MAVS: variants seen among roughly 807,000 people sequenced by gnomAD.
The protein encoded by MAVS is mitochondrial antiviral-signaling protein.
In MAVS, 20 loss-of-function variants were observed where a neutral mutation model predicts 30.2. The observed-to-expected ratio is 0.66, with a 90% CI of 0.47 to 0.96. MAVS has a LOEUF of 0.96. Among genes scored for constraint, MAVS ranks in the 40% least tolerant of loss-of-function variants. The pLI, the probability that MAVS is intolerant of heterozygous loss-of-function variation, is 0.00. For synonymous variants in MAVS, 278 were observed against 293.9 expected, an observed-to-expected ratio of 0.95 and a Z score of 0.55; for missense variants, 624 against 701.1, an observed-to-expected ratio of 0.89 and a Z score of 1.24.
In MAVS at chr20:3,866,988, G is replaced by T. The variant is rs76557664; in HGVS notation, c.*841G>T. On this transcript the variant is annotated 3_prime_UTR_variant, in exon 7 of 7. Transcript: ENST00000428216. ...CTGGTCTTGCTTCTCCACGTGGACA[G>T]TGAGTATCTGGCTCATTCTTCACTG... The T allele has an allele frequency of 8.8e-6, 4 of 456,820 alleles. No individual in the cohort carries two copies. The Admixed American group carries it at 9.4e-5, about 11-fold the overall frequency. The allele number at this position is 456,820 out of a possible 1,614,324, so 28.3% of individuals were successfully genotyped here.
rs996639146 is a variant in MAVS at position 3,874,900 on chromosome 20, C to G, written c.*8753C>G. On this transcript the variant is annotated 3_prime_UTR_variant, in exon 7 of 7. Transcript: ENST00000428216. The stretch of plus-strand genomic sequence containing the variant: ...ACAGTACTTCCTCCAGCTGCCTACA[C>G]CCCCCTAGGGTCAGTGGCGCCTGCC... The G allele has an allele frequency of 6.6e-6, 1 of 152,412 alleles. No homozygotes were observed. Among genetic ancestry groups the G allele is most frequent in the Non-Finnish European group, 1.5e-5 (1 of 68,112 alleles). 9.4% of individuals were successfully genotyped at this position (152,412 alleles called of 1,614,324 possible). A position where few individuals can be genotyped will look rare whatever the true frequency, so the allele number is the denominator to read the frequency against.
Position 3,866,510 on chromosome 20 carries a change from T to G in MAVS, c.*363T>G. ...GAGCAGGAGGGACCACTGGAACATG[T>G]GGTGCTTGGGAATGCCTCTCCTGTT... On this transcript the variant is annotated 3_prime_UTR_variant, in exon 7 of 7. Transcript: ENST00000428216. The G allele has an allele frequency of 2.8e-6, 1 of 363,606 alleles. No homozygotes were observed. Among genetic ancestry groups the G allele is most frequent in the South Asian group, 3.0e-5 (1 of 33,478 alleles). The allele number at this position is 363,606 out of a possible 1,614,324, so 22.5% of individuals were successfully genotyped here. A position where few individuals can be genotyped will look rare whatever the true frequency, so the allele number is the denominator to read the frequency against.
At chr20:3,858,492 A>C (rs2089832616) in intron 3 of MAVS, among the ~76,000 whole-genome samples, 1 of 151,982 alleles carries the variant, frequency 6.6e-6, no homozygotes, top group Non-Finnish European at 1.5e-5. Flanking sequence ...ACCCTGGCTA[A>C]AACAGTGAAA....
chr20:3,848,009 C>T (rs986932388), intron 1 of MAVS, among the ~76,000 whole-genome samples: 5 of 152,192 alleles, frequency 3.3e-5, no homozygotes, highest in Non-Finnish European at 7.3e-5. Context: ...CATCCCTTCC[C>T]CTCCATCTGT....
intron 5 of MAVS, 87 bp from the exon 6 acceptor site, chr20:3,864,169 T>G: frequency 1.5e-4 from 213 of 1,400,462 alleles, no homozygotes; most frequent in Non-Finnish European, 1.9e-4. Context: ...GTAGGGACCA[T>G]GAGATCTGGG....
In MAVS at chr20:3,870,268, G is replaced by GCCCT. The variant is rs2089943900; in HGVS notation, c.*4124_*4127dup. On this transcript the variant is annotated 3_prime_UTR_variant, in exon 7 of 7. Coordinates refer to ENST00000428216, the MANE Select transcript of MAVS (RefSeq NM_020746.5). ...GCTGGGTGGGGCCAGAGGGACCAGT[G>GCCCT]CCCTCCTCAGTGCTTAGGGGCAGAG... The GCCCT allele has an allele frequency of 6.6e-6, 1 of 152,326 alleles. No homozygotes were observed. Among genetic ancestry groups the GCCCT allele is most frequent in the Admixed American group, 6.6e-5 (1 of 15,266 alleles). 9.4% of individuals were successfully genotyped at this position (152,326 alleles called of 1,614,324 possible).
chr20:3,855,474 T>G (rs2089801700), intron 2 of MAVS, among the ~76,000 whole-genome samples: 4 of 152,294 alleles, frequency 2.6e-5, no homozygotes, highest in South Asian at 2.1e-4. Flanking sequence ...AGGGTCGCTC[T>G]AGCCCCAACA....
In MAVS at chr20:3,867,653, C is replaced by G. The variant is rs2089919448; in HGVS notation, c.*1506C>G. On this transcript the variant is annotated 3_prime_UTR_variant, in exon 7 of 7. Coordinates refer to ENST00000428216, the MANE Select transcript of MAVS (RefSeq NM_020746.5). ...TTGGCTACTCCTTTAGAGGCAGACT[C>G]AGACCCTCCTGCCTCACAGCTTTAT... is the stretch of plus-strand genomic sequence containing the variant. 1 of 153,804 alleles carries G rather than the reference C, an allele frequency of 6.5e-6. No individual in the cohort carries two copies. Among genetic ancestry groups the G allele is most frequent in the Non-Finnish European group, 1.4e-5 (1 of 69,098 alleles). The allele number at this position is 153,804 out of a possible 1,614,324, so 9.5% of individuals were successfully genotyped here.
rs1160214993 is a variant in MAVS at position 3,865,158 on chromosome 20, C to G, written c.1158+370C>G. 3.3e-5 allele frequency among the ~76,000 whole-genome samples: 5 copies of G among 152,244 alleles called. No individual in the cohort carries two copies. Among genetic ancestry groups the G allele is most frequent in the Non-Finnish European group, 5.9e-5 (4 of 68,044 alleles). ...GCACAGTGGCCCATCTGCCTCTTGC[C>G]TTGCTCTTCACCAGGATGCCTGGTG... On this transcript the variant is annotated intron_variant, in intron 6 of 6. Coordinates refer to ENST00000428216, the MANE Select transcript of MAVS (RefSeq NM_020746.5). The surrounding 1 kb of genome is among the most constrained non-coding windows in gnomAD (Gnocchi z 4.7).
rs552582568 is a variant in MAVS, at chr20:3,857,942, T to G, written c.292+133T>G. On this transcript the variant is annotated intron_variant, in intron 3 of 6. Transcript: ENST00000428216. ...GTCACTGTGAAGCGATGAATAAACC[T>G]GGGTGTAGATCCAGGCTGAGCCACT... 1.8e-5 allele frequency: 19 copies of G among 1,035,006 alleles called. No homozygotes were observed. The South Asian group carries it at 2.6e-4, about 14-fold the overall frequency. The allele number at this position is 1,035,006 out of a possible 1,614,324, so 64.1% of individuals were successfully genotyped here.
Position 3,873,573 on chromosome 20 carries a change from A to C in MAVS, c.*7426A>C, listed in dbSNP as rs1437557540. Reference sequence around the variant, plus strand: ...GATGTGGGGCCTGTGGGAGGTGGTTAGGTCATGAGGGTGGAGATCATGAAT... The same window carrying C: ...GATGTGGGGCCTGTGGGAGGTGGTTCGGTCATGAGGGTGGAGATCATGAAT... On this transcript the variant is annotated 3_prime_UTR_variant, in exon 7 of 7. Transcript: ENST00000428216. The C allele has an allele frequency of 6.6e-6, 1 of 152,166 alleles. No homozygotes were observed. Among genetic ancestry groups the C allele is most frequent in the Non-Finnish European group, 1.5e-5 (1 of 68,120 alleles). The allele number at this position is 152,166 out of a possible 1,614,324, so 9.4% of individuals were successfully genotyped here.
At chr20:3,856,993 G>C (rs1252574366) in intron 2 of MAVS, among the ~76,000 whole-genome samples, 1 of 150,206 alleles carries the variant, frequency 6.7e-6, no homozygotes, top group Admixed American at 6.6e-5. Context: ...CTGATATCAC[G>C]GCACTGCACT....
chr20:3,848,726 A>C (rs2089732172), intron 1 of MAVS, among the ~76,000 whole-genome samples: 1 of 151,902 alleles, frequency 6.6e-6, no homozygotes. Flanking sequence ...CTGACAACCC[A>C]CTTGGAATCC....
intron 3 of MAVS, among the ~76,000 whole-genome samples, chr20:3,858,644 G>A (rs1365204612): frequency 2.9e-4 from 40 of 137,540 alleles, no homozygotes; most frequent in African/African-American, 4.3e-4. Flanking sequence ...CAGCCTGGGC[G>A]ACAGAGTGGG....
intron 3 of MAVS, 146 bp from the exon 4 acceptor site, chr20:3,861,186 T>G (rs1369240933): frequency 1.5e-6 from 1 of 671,904 alleles, no homozygotes; most frequent in Non-Finnish European, 2.5e-6. Flanking sequence ...TTAGTAGAGA[T>G]GGGGTTTCAC....
chr20:3,857,032 T>C (rs2089817368), intron 2 of MAVS, among the ~76,000 whole-genome samples: 1 of 132,862 alleles, frequency 7.5e-6, no homozygotes, highest in African/African-American at 3.1e-5. Context: ...TGGGACTCCG[T>C]CTGAAAAAAA....
At position 3,862,234 on chromosome 20, in the gene MAVS, C is replaced by T. The variant is rs749849526; in HGVS notation, c.466-20C>T. On this transcript the variant is annotated intron_variant, in intron 4 of 6. Coordinates refer to ENST00000428216, the MANE Select transcript of MAVS (RefSeq NM_020746.5). ...TCTTGGGAGAGGCAACTGCCTTATTCATATTTTCCCTCATTGCAGAATTCA... is the reference window on the plus strand; with the variant it reads ...TCTTGGGAGAGGCAACTGCCTTATTTATATTTTCCCTCATTGCAGAATTCA... 2 of 1,610,344 alleles carry T rather than the reference C, an allele frequency of 1.2e-6. No individual in the cohort carries two copies. The highest frequency in any genetic ancestry group is 1.7e-6 in the Non-Finnish European group (2 of 1,178,324).
rs1044278688 is a variant in MAVS at position 3,857,664 on chromosome 20, A to G, written c.147A>G (p.Ser49=). 3 of 1,613,986 alleles carry G rather than the reference A, an allele frequency of 1.9e-6. No homozygotes were observed. The highest frequency in any genetic ancestry group is 2.5e-6 in the Non-Finnish European group (3 of 1,179,908). ...QDRLRATCTL[S]GNRDTLWHLF... ...GACTGCGGGCCACCTGCACACTCTC[A>G]GGGAACCGGGACACCCTCTGGCATC... The change falls in exon 3 of 7, where the codon TCA becomes TCG. Residue 49 remains serine (S), a synonymous_variant. Transcript: ENST00000428216.
chr20:3,846,878 A>C lies in MAVS; in HGVS notation c.-93A>C, dbSNP rs965231075. The C allele has an allele frequency of 1.3e-5, 2 of 152,236 alleles. No individual in the cohort carries two copies. The highest frequency in any genetic ancestry group is 2.9e-5 in the Non-Finnish European group (2 of 68,208). The allele number at this position is 152,236 out of a possible 1,614,324, so 9.4% of individuals were successfully genotyped here. On this transcript the variant is annotated 5_prime_UTR_variant, in exon 1 of 7. Coordinates refer to ENST00000428216, the MANE Select transcript of MAVS (RefSeq NM_020746.5). ...TCCTGGGCCCCGGGCGGCGGTCGCC[A>C]GGTCTCAGGGCCGGGGGTACCCGAG...
Sources: gnomAD v4.1 joint callset for allele counts (sites outside exome capture counted in the v4.1 genomes callset) on GRCh38, gnomAD v4.1.1 for gene constraint, Gnocchi (gnomAD v3.1) non-coding constraint, MANE v1.5 for transcripts, NCBI Gene and HGNC (gene_info 2026-07-23, HGNC 2026-07-21) for gene names.